The following EPB42 variants were observed in gnomAD, a reference collection of about 807,000 sequenced individuals.
EPB42 encodes erythrocyte membrane protein band 4.2, also known as protein 4.2.
EPB42 carries 49 observed loss-of-function variants against 76.9 expected under a neutral mutation model. The observed-to-expected ratio is 0.64, with a 90% CI of 0.51 to 0.81. The LOEUF (loss-of-function observed/expected upper bound fraction) is 0.81. Among genes scored for constraint, EPB42 ranks in the 30% least tolerant of loss-of-function variants. The pLI is 0.00. For missense variants in EPB42, 731 were observed against 867.6 expected, an observed-to-expected ratio of 0.84 and a Z score of 1.98; for synonymous variants, 310 against 338.4, an observed-to-expected ratio of 0.92 and a Z score of 0.92.
rs573886750 is a variant in EPB42 at position 43,197,580 on chromosome 15, A to C, written c.1914-116T>G. Reference sequence around the variant, plus strand: ...GTGGACCATGCAGAAATAAACATCTAAGTACCTTGCTATTAAAATGGAAGT... The same window carrying C: ...GTGGACCATGCAGAAATAAACATCTCAGTACCTTGCTATTAAAATGGAAGT... On this transcript the variant is annotated intron_variant, in intron 12 of 12. Coordinates refer to ENST00000441366, the MANE Select transcript of EPB42 (RefSeq NM_001114134.2). The C allele has an allele frequency of 2.5e-6, 3 of 1,176,476 alleles. No individual in the cohort carries two copies. The East Asian group carries it at 7.3e-5, about 29-fold the overall frequency. 72.9% of individuals were successfully genotyped at this position (1,176,476 alleles called of 1,614,324 possible). A position where few individuals can be genotyped will look rare whatever the true frequency, so the allele number is the denominator to read the frequency against.
In EPB42 at chr15:43,206,456, C is replaced by T. The variant is rs755556314; in HGVS notation, c.1492G>A (p.Val498Ile). 6.2e-7 allele frequency: 1 copy of T among 1,614,200 alleles called. No individual in the cohort carries two copies. ...RGDAQISVTL[V>I]NHSEQEKAVQ... ...GCCTTCTCCTGCTCACTGTGATTAACCAGCGTCACTGAGATCTGGGCATCC... is the reference window on the plus strand; with the variant it reads ...GCCTTCTCCTGCTCACTGTGATTAATCAGCGTCACTGAGATCTGGGCATCC... Residue 498 changes from valine (V) to isoleucine (I), a missense_variant, in exon 10 of 13, where the codon GTT becomes ATT. Coordinates refer to ENST00000441366, the MANE Select transcript of EPB42 (RefSeq NM_001114134.2). This position sits in a 1 kb window ranked among gnomAD's most constrained non-coding sequence, Gnocchi z 4.7.
chr15:43,212,515 C>T (rs1298383609), intron 3 of EPB42, among the ~76,000 whole-genome samples: 2 of 151,972 alleles, frequency 1.3e-5, no homozygotes, highest in Admixed American at 1.3e-4. Context: ...CAATTTGTGA[C>T]CAAAAACAGG....
At chr15:43,218,586 C>T (rs1489169462) in intron 1 of EPB42, among the ~76,000 whole-genome samples, 1 of 152,226 alleles carries the variant, frequency 6.6e-6, no homozygotes, top group Non-Finnish European at 1.5e-5. Context: ...ACAGTGCTTT[C>T]TCATATCTGC....
At chr15:43,225,113 A>C (rs1421833905), upstream of EPB42, among the ~76,000 whole-genome samples, 1 of 152,220 alleles carries the variant, frequency 6.6e-6, no homozygotes, top group Non-Finnish European at 1.5e-5. Context: ...GGTAGAGAAC[A>C]ATGTGAATAG....
upstream of EPB42, among the ~76,000 whole-genome samples, chr15:43,223,652 C>T (rs1198315343): frequency 6.6e-6 from 1 of 152,146 alleles, no homozygotes; most frequent in Non-Finnish European, 1.5e-5. Flanking sequence ...AATAGTTGCT[C>T]TCTTATAATA....
At chr15:43,208,397 A>G in intron 7 of EPB42, 64 bp from the exon 8 acceptor site, 1 of 1,548,826 alleles carries the variant, frequency 6.5e-7, no homozygotes, top group Non-Finnish European at 8.9e-7. Flanking sequence ...GGTTCTGGAA[A>G]TGCAGCCTGG....
chr15:43,216,456 G>A lies in EPB42; in HGVS notation c.11-3C>T, dbSNP rs1006883765. 1 of 1,614,100 alleles carries A rather than the reference G, an allele frequency of 6.2e-7. No homozygotes were observed. Among genetic ancestry groups the A allele is most frequent in the African/African-American group, 1.3e-5 (1 of 75,050 alleles). On this transcript the variant is annotated splice_region_variant and splice_polypyrimidine_tract_variant and intron_variant, in intron 1 of 12. Coordinates refer to ENST00000441366, the MANE Select transcript of EPB42 (RefSeq NM_001114134.2). ...GTCACAGCTCTTGATACCCAGGGCT[G>A]TTGTGGGAAAGAGAGAAGTCACGGA... is the stretch of plus-strand genomic sequence containing the variant.
Position 43,206,423 on chromosome 15 carries a change from G to C in EPB42, c.1525C>G (p.Leu509Val), listed in dbSNP as rs1156555124. ...NHSEQEKAVQ[L>V]AIGVQAVHYN... ...TGTACAGCCTGGACCCCAATTGCCA[G>C]CTGCACTGCCTTCTCCTGCTCACTG... The change falls in exon 10 of 13, where the codon CTG becomes GTG. Residue 509 changes from leucine to valine, a missense_variant. Transcript: ENST00000441366. This position sits in a 1 kb window ranked among gnomAD's most constrained non-coding sequence, Gnocchi z 4.7. The C allele has an allele frequency of 6.2e-6, 10 of 1,614,082 alleles. No individual in the cohort carries two copies. The highest frequency in any genetic ancestry group is 8.5e-6 in the Non-Finnish European group (10 of 1,180,056).
At chr15:43,207,535 T>C in intron 8 of EPB42, 94 bp from the exon 9 acceptor site, 1 of 1,587,846 alleles carries the variant, frequency 6.3e-7, no homozygotes, top group Non-Finnish European at 8.5e-7. Flanking sequence ...CTCTAGCCTA[T>C]TTTCCCTCCA....
At chr15:43,207,110 T>C in intron 9 of EPB42, 89 bp downstream of exon 9, 1 of 1,579,294 alleles carries the variant, frequency 6.3e-7, no homozygotes, top group South Asian at 1.1e-5. Flanking sequence ...AGGACAAGTC[T>C]CTTTCTGGCT....
intron 1 of EPB42, among the ~76,000 whole-genome samples, chr15:43,217,483 G>A (rs955371602): frequency 4.6e-5 from 7 of 152,140 alleles, no homozygotes; most frequent in African/African-American, 1.4e-4. Context: ...AAAAAAACAA[G>A]GAGTAGAGAA....
At chr15:43,201,538 A>G (rs772527818) in intron 12 of EPB42, among the ~76,000 whole-genome samples, 2 of 152,198 alleles carry the variant, frequency 1.3e-5, no homozygotes, top group African/African-American at 4.8e-5. Flanking sequence ...ATTACTCTCC[A>G]ATACCCAGCC....
At chr15:43,225,159 G>A (rs1404979462), upstream of EPB42, among the ~76,000 whole-genome samples, 1 of 152,148 alleles carries the variant, frequency 6.6e-6, no homozygotes, top group Non-Finnish European at 1.5e-5. Flanking sequence ...GTGTGCGTGG[G>A]GAGAATATAT....
In EPB42 at chr15:43,211,244, G is replaced by A. The variant is rs145638269; in HGVS notation, c.549+172C>T. Among the ~76,000 whole-genome samples, 665 of 152,214 alleles carry A rather than the reference G, an allele frequency of 4.4e-3. 2 individuals carry two copies. Among genetic ancestry groups the A allele is most frequent in the African/African-American group, 0.015 (632 of 41,498 alleles). ...AAGGAAAATAATTCTGGGAGCTCCC[G>A]GAGGATGTTCTGATATGGCCCAGAG... On this transcript the variant is annotated intron_variant, in intron 4 of 12. Transcript: ENST00000441366.
At chr15:43,216,502 G>A in intron 1 of EPB42, 49 bp from the exon 2 acceptor site, 1 of 1,589,160 alleles carries the variant, frequency 6.3e-7, no homozygotes, top group Non-Finnish European at 8.6e-7. Context: ...ATGTGACAAT[G>A]TAAGTACAAG....
intron 1 of EPB42, among the ~76,000 whole-genome samples, chr15:43,218,815 T>G (rs2042416211): frequency 6.6e-6 from 1 of 152,222 alleles, no homozygotes; most frequent in African/African-American, 2.4e-5. Context: ...CTGCCCCTTT[T>G]AGGTGGATTC....
At chr15:43,224,238 G>A (rs1181059777), upstream of EPB42, among the ~76,000 whole-genome samples, 1 of 152,118 alleles carries the variant, frequency 6.6e-6, no homozygotes, top group African/African-American at 2.4e-5. Flanking sequence ...CTTCTTATAA[G>A]GACATCATTC....
upstream of EPB42, among the ~76,000 whole-genome samples, chr15:43,222,869 A>G (rs1237133136): frequency 1.3e-5 from 2 of 152,238 alleles, no homozygotes; most frequent in African/African-American, 4.8e-5. Flanking sequence ...AACTCTTATT[A>G]AATTCTTAAA....
chr15:43,208,799 CA>C (rs775978872), intron 6 of EPB42, 24 bp from the exon 7 acceptor site: 9 of 1,612,220 alleles, frequency 5.6e-6, no homozygotes, highest in East Asian at 2.2e-5. Context: ...GGCGGAGTGT[CA>C]GGGGGCGCTT....
Sources: allele counts gnomAD v4.1 joint callset (sites outside exome capture counted in the v4.1 genomes callset), GRCh38; gene constraint gnomAD v4.1.1; non-coding constraint Gnocchi (gnomAD v3.1); transcripts MANE v1.5; gene names NCBI Gene and HGNC (gene_info 2026-07-23, HGNC 2026-07-21).